KMT2C: variants seen among roughly 807,000 people sequenced by gnomAD.
KMT2C encodes lysine methyltransferase 2C.
KMT2C carries 88 observed loss-of-function variants against 507.9 expected under a neutral mutation model. The observed-to-expected ratio is 0.17, with a 90% CI of 0.15 to 0.21. The LOEUF (loss-of-function observed/expected upper bound fraction) is 0.21. KMT2C is among the 10% of genes least tolerant of loss of function. The pLI is 1.00. For synonymous variants in KMT2C, 2,049 were observed against 2,080.8 expected (o/e 0.98, Z 0.42); for missense variants, 4,954 against 5,957.8 (o/e 0.83, Z 5.55).
chr7:152,201,293 GACAC>G (rs3839689), intron 26 of KMT2C, among the ~76,000 whole-genome samples: 5,250 of 136,928 alleles, frequency 0.038, 120 homozygotes, highest in South Asian at 0.067. Flanking sequence ...TACAGACACA[GACAC>G]ACACACACAC....
At chr7:152,313,201 T>C (rs190593611) in intron 4 of KMT2C, among the ~76,000 whole-genome samples, 2 of 148,096 alleles carry the variant, frequency 1.4e-5, no homozygotes, top group African/African-American at 5.3e-5. Flanking sequence ...TTCCTACAAA[T>C]ATATGCTCCA....
At chr7:152,230,585 T>C (rs997672613) in intron 16 of KMT2C, among the ~76,000 whole-genome samples, 3 of 152,198 alleles carry the variant, frequency 2.0e-5, no homozygotes, top group Non-Finnish European at 4.4e-5. Flanking sequence ...TAAGACTTGA[T>C]TATGCAGAAT....
At chr7:152,228,045 G>C (rs904943554) in intron 18 of KMT2C, among the ~76,000 whole-genome samples, 5 of 152,180 alleles carry the variant, frequency 3.3e-5, no homozygotes, top group African/African-American at 1.2e-4. Context: ...ATAATACTAA[G>C]ATTTAATTTG....
chr7:152,397,013 A>T (rs546891141), intron 1 of KMT2C, among the ~76,000 whole-genome samples: 9 of 152,334 alleles, frequency 5.9e-5, no homozygotes, highest in Admixed American at 2.6e-4. Flanking sequence ...TGGTTTAACT[A>T]ATCAGAGGGC....
chr7:152,142,491 AG>A (rs1285542658), intron 55 of KMT2C, among the ~76,000 whole-genome samples: 7 of 152,260 alleles, frequency 4.6e-5, no homozygotes, highest in African/African-American at 1.7e-4. Context: ...CACATGCTGC[AG>A]GAAGAAGTGT....
At chr7:152,328,019 G>T (rs1385235347) in intron 3 of KMT2C, among the ~76,000 whole-genome samples, 1 of 151,588 alleles carries the variant, frequency 6.6e-6, no homozygotes, top group East Asian at 1.9e-4. Flanking sequence ...TCTCCGTCAG[G>T]AACTATTAAG....
intron 14 of KMT2C, among the ~76,000 whole-genome samples, chr7:152,240,140 C>T (rs1272905913): frequency 6.6e-6 from 1 of 152,222 alleles, no homozygotes; most frequent in African/African-American, 2.4e-5. Flanking sequence ...AAATCTCTAA[C>T]CTAGCTCAGG....
chr7:152,180,818 G>T lies in KMT2C; in HGVS notation c.7042C>A (p.Gln2348Lys). 17 of 1,614,158 alleles carry T rather than the reference G, an allele frequency of 1.1e-5. No homozygotes were observed. Among genetic ancestry groups the T allele is most frequent in the Non-Finnish European group, 1.4e-5 (17 of 1,180,014 alleles). ...GGAAGTTGGGAGACACCAGAGAACT[G>T]CTGGCCTTGGGAGTGCATTGGAGAG... ...SNSPMHSQGQ[Q>K]FSGVSQLPGP... is the part of the protein sequence containing the mutation. The change falls in exon 36 of 59, where the codon CAG becomes AAG. Residue 2348 changes from glutamine (Q) to lysine (K), a missense_variant. Around this residue, in one of 29 missense-constraint regions of KMT2C, gnomAD observed 1,689 missense variants for 1,654.3 expected, o/e 1.02. Coordinates refer to ENST00000262189, the MANE Select transcript of KMT2C (RefSeq NM_170606.3).
At chr7:152,398,010 TCCA>T (rs777438350) in intron 1 of KMT2C, among the ~76,000 whole-genome samples, 95 of 152,188 alleles carry the variant, frequency 6.2e-4, no homozygotes, top group Non-Finnish European at 6.0e-4. Flanking sequence ...CTAAAATGCC[TCCA>T]CATCATTCAC....
chr7:152,361,171 T>A (rs552275950), intron 1 of KMT2C, among the ~76,000 whole-genome samples: 2 of 152,174 alleles, frequency 1.3e-5, no homozygotes, highest in Admixed American at 1.3e-4. Flanking sequence ...CTACAAAACC[T>A]GAAAGATGAA....
intron 6 of KMT2C, among the ~76,000 whole-genome samples, chr7:152,290,290 ATATATTTTTTTTTTTTTT>A (rs1177899778): frequency 9.4e-5 from 3 of 32,030 alleles, no homozygotes; most frequent in African/African-American, 3.3e-4. Flanking sequence ...ATATATATAT[ATATATTTTTTTTTTTTTT>A]TTTTTTTTTT....
At chr7:152,210,236 A>T (rs1005479214) in intron 23 of KMT2C, among the ~76,000 whole-genome samples, 2 of 152,196 alleles carry the variant, frequency 1.3e-5, no homozygotes, top group African/African-American at 4.8e-5. Flanking sequence ...GAACATCTAA[A>T]GATACGGAAA....
Position 152,366,883 on chromosome 7 carries a change from G to A in KMT2C, c.162-8208C>T, listed in dbSNP as rs1024560551. On this transcript the variant is annotated intron_variant, in intron 1 of 58. Transcript: ENST00000262189. ...GCCTGCAGAGCCGGGCGCAGCAAGGGCCAGACGCGGCGCGAGCTGGCGCTG... is the reference window on the plus strand; with the variant it reads ...GCCTGCAGAGCCGGGCGCAGCAAGGACCAGACGCGGCGCGAGCTGGCGCTG... The A allele has an allele frequency of 5.7e-5, 22 of 384,760 alleles. No individual in the cohort carries two copies. The East Asian group carries it at 8.5e-4, about 15-fold the overall frequency. 23.8% of individuals were successfully genotyped at this position (384,760 alleles called of 1,614,324 possible).
intron 1 of KMT2C, among the ~76,000 whole-genome samples, chr7:152,369,563 C>T (rs1157713304): frequency 6.6e-6 from 1 of 152,056 alleles, no homozygotes; most frequent in Non-Finnish European, 1.5e-5. Flanking sequence ...AGAGGTGGTA[C>T]CTTTAAGAGG....
intron 2 of KMT2C, among the ~76,000 whole-genome samples, chr7:152,332,869 C>CACAG (rs1303564880): frequency 3.3e-5 from 5 of 151,426 alleles, no homozygotes; most frequent in African/African-American, 1.2e-4. Context: ...CACACACACA[C>CACAG]ACACACACAC....
At position 152,311,782 on chromosome 7, in the gene KMT2C, G is replaced by C. The variant is rs755765349; in HGVS notation, c.739+16C>G. The stretch of plus-strand genomic sequence containing the variant: ...CCAGAATTAAGAGGCAGTCATTATT[G>C]AAAACATGCCCATACCTGTAGAATC... On this transcript the variant is annotated intron_variant, in intron 5 of 58. Coordinates refer to ENST00000262189, the MANE Select transcript of KMT2C (RefSeq NM_170606.3). The C allele has an allele frequency of 1.3e-6, 2 of 1,548,494 alleles. No homozygotes were observed. Among genetic ancestry groups the C allele is most frequent in the Non-Finnish European group, 1.8e-6 (2 of 1,139,080 alleles).
chr7:152,176,231 G>A lies in KMT2C; in HGVS notation c.9222C>T (p.Ala3074=), dbSNP rs1473314988. 6.2e-7 allele frequency: 1 copy of A among 1,612,492 alleles called. No individual in the cohort carries two copies. The highest frequency in any genetic ancestry group is 1.7e-5 in the Admixed American group (1 of 59,818). ...QEQQQQRQMQ[A]MIRQRSEPFF... ...ACGGTTCTGATCGCTGACGAATCATGGCTTGCATCTGTCTTTGCTGCTGCT... is the reference window on the plus strand; with the variant it reads ...ACGGTTCTGATCGCTGACGAATCATAGCTTGCATCTGTCTTTGCTGCTGCT... The change falls in exon 38 of 59, where the codon GCC becomes GCT. Residue 3074 remains alanine, a synonymous_variant. Transcript: ENST00000262189.
chr7:152,181,722 T>G lies in KMT2C; in HGVS notation c.6138A>C (p.Pro2046=). ...CCTGAGAGGATGGAGGAGGTTGCAT[T>G]GGAGTCTTAAAAGGTCCAGGACCAC... ...LDSGPGPFKT[P]MQPPPSSQDP... Residue 2046 remains proline (P), a synonymous_variant, in exon 36 of 59, where the codon CCA becomes CCC. Coordinates refer to ENST00000262189, the MANE Select transcript of KMT2C (RefSeq NM_170606.3). 1 of 1,614,080 alleles carries G rather than the reference T, an allele frequency of 6.2e-7. No homozygotes were observed. Among genetic ancestry groups the G allele is most frequent in the Non-Finnish European group, 8.5e-7 (1 of 1,180,022 alleles).
chr7:152,288,334 G>C (rs751607546), intron 6 of KMT2C, among the ~76,000 whole-genome samples: 14 of 150,624 alleles, frequency 9.3e-5, no homozygotes, highest in East Asian at 2.0e-4. Flanking sequence ...AGGAGTTCAA[G>C]ACCAGCCTGG....
Sources: gnomAD v4.1 joint callset for allele counts (sites outside exome capture counted in the v4.1 genomes callset) on GRCh38, gnomAD v4.1.1 for gene constraint, gnomAD v4.1.1 regional missense constraint, MANE v1.5 for transcripts, NCBI Gene and HGNC (gene_info 2026-07-23, HGNC 2026-07-21) for gene names.